The following RIGI variants were observed in gnomAD, a reference collection of about 807,000 sequenced individuals.
RIGI encodes the protein antiviral innate immune response receptor RIG-I.
chr9:32,467,165 G>A, the RIGI span, among the ~76,000 whole-genome samples: 17 of 152,088 alleles, frequency 1.1e-4, no homozygotes, highest in East Asian at 1.9e-4. Flanking sequence ...TCAGGTTGGC[G>A]GAAGTGGATA....
the RIGI span, among the ~76,000 whole-genome samples, chr9:32,508,501 G>A: frequency 5.5e-4 from 83 of 151,944 alleles, no homozygotes; most frequent in African/African-American, 2.0e-3. Context: ...AAGGGGTCTG[G>A]GAACTCCCTC....
the RIGI span, among the ~76,000 whole-genome samples, chr9:32,492,796 TCCTCATCAG>T: frequency 6.6e-6 from 1 of 152,102 alleles, no homozygotes; most frequent in Non-Finnish European, 1.5e-5. Flanking sequence ...CTTATACCTA[TCCTCATCAG>T]CAATATTAAG....
chr9:32,504,545 G>A, the RIGI span, among the ~76,000 whole-genome samples: 2 of 151,760 alleles, frequency 1.3e-5, no homozygotes, highest in African/African-American at 4.8e-5. Flanking sequence ...GGGCATGGTG[G>A]CCAGTGCCTA....
At chr9:32,495,530 ATGGGGG>A in the RIGI span, among the ~76,000 whole-genome samples, 2 of 124,308 alleles carry the variant, frequency 1.6e-5, no homozygotes, top group Non-Finnish European at 3.8e-5. Flanking sequence ...AGCCATTGTA[ATGGGGG>A]TGAGGTGATA....
At chr9:32,492,913 T>C in the RIGI span, among the ~76,000 whole-genome samples, 3 of 151,962 alleles carry the variant, frequency 2.0e-5, no homozygotes, top group Admixed American at 2.0e-4. Context: ...TTCTTCAGGG[T>C]TGAGGAATTT....
the RIGI span, among the ~76,000 whole-genome samples, chr9:32,508,670 G>A: frequency 6.6e-6 from 1 of 151,942 alleles, no homozygotes; most frequent in East Asian, 1.9e-4. Context: ...ACAAATCTGG[G>A]TGGCCATTTG....
the RIGI span, among the ~76,000 whole-genome samples, chr9:32,469,308 A>G: frequency 3.9e-5 from 6 of 152,328 alleles, 1 homozygote; most frequent in South Asian, 1.2e-3. Context: ...ACACTGATTT[A>G]TACACAGCCT....
chr9:32,458,951 G>A, the RIGI span, among the ~76,000 whole-genome samples: 5,909 of 146,848 alleles, frequency 0.04, 348 homozygotes, highest in African/African-American at 0.13. Context: ...GCGCAGTGGC[G>A]CGATATCAGC....
the RIGI span, among the ~76,000 whole-genome samples, chr9:32,472,589 C>T: frequency 6.6e-6 from 1 of 152,194 alleles, no homozygotes; most frequent in African/African-American, 2.4e-5. Flanking sequence ...CGGCTTAGGC[C>T]TTCTCCAAAG....
chr9:32,497,495 C>T, the RIGI span, among the ~76,000 whole-genome samples: 2 of 152,176 alleles, frequency 1.3e-5, no homozygotes, highest in African/African-American at 2.4e-5. Context: ...CGCCTGTAAT[C>T]CAAGCACTTT....
At chr9:32,459,946 T>G in the RIGI span, among the ~76,000 whole-genome samples, 1 of 152,096 alleles carries the variant, frequency 6.6e-6, no homozygotes, top group Non-Finnish European at 1.5e-5. Flanking sequence ...GCCCCTGATA[T>G]GGTTTGGCTG....
the RIGI span, among the ~76,000 whole-genome samples, chr9:32,491,713 C>CAAAAAAAAA: frequency 1.0e-5 from 1 of 100,458 alleles, no homozygotes; most frequent in Non-Finnish European, 2.1e-5. Context: ...TCGTATGCAC[C>CAAAAAAAAA]AAAAAAAAAA....
the RIGI span, chr9:32,485,358 G>A: frequency 5.8e-6 from 6 of 1,041,016 alleles, no homozygotes; most frequent in Non-Finnish European, 8.6e-6. Flanking sequence ...GTTCAAAGTA[G>A]GTATCTCTAA....
At chr9:32,516,715 C>G in the RIGI span, among the ~76,000 whole-genome samples, 17 of 152,196 alleles carry the variant, frequency 1.1e-4, no homozygotes, top group Non-Finnish European at 2.2e-4. Flanking sequence ...AGCACCCTGA[C>G]TCTCAGTATG....
chr9:32,480,176 CAAGAATGCT>C, the RIGI span: 1 of 1,559,026 alleles, frequency 6.4e-7, no homozygotes, highest in South Asian at 1.2e-5. Context: ...TTCCAGTCAC[CAAGAATGCT>C]ACTGTGGCTT....
the RIGI span, among the ~76,000 whole-genome samples, chr9:32,525,094 C>T: frequency 6.6e-6 from 1 of 152,168 alleles, no homozygotes; most frequent in Non-Finnish European, 1.5e-5. Flanking sequence ...GTCTTGCAAG[C>T]CTGCTGTGAA....
the RIGI span, among the ~76,000 whole-genome samples, chr9:32,502,222 T>C: frequency 6.6e-6 from 1 of 152,260 alleles, no homozygotes; most frequent in African/African-American, 2.4e-5. Context: ...AATATCCCAC[T>C]GTATGGATAC....
the RIGI span, among the ~76,000 whole-genome samples, chr9:32,475,481 G>C: frequency 1.3e-5 from 2 of 152,120 alleles, no homozygotes; most frequent in Non-Finnish European, 1.5e-5. Context: ...AAACAAAACA[G>C]AGAATCCAGA....
chr9:32,512,483 A>G, the RIGI span, among the ~76,000 whole-genome samples: 1,964 of 152,346 alleles, frequency 0.013, 15 homozygotes, highest in African/African-American at 0.019. Context: ...GATTATCTCA[A>G]TAGATGCAGA....
Sources: allele counts gnomAD v4.1 joint callset (sites outside exome capture counted in the v4.1 genomes callset), GRCh38; gene constraint gnomAD v4.1.1; transcripts MANE v1.5; gene names NCBI Gene and HGNC (gene_info 2026-07-23, HGNC 2026-07-21).